The following GLI3 variants were observed in gnomAD, a reference collection of about 807,000 sequenced individuals.
GLI3 encodes the protein GLI family zinc finger 3, also known as transcription activator GLI3.
GLI3 carries 20 observed loss-of-function variants against 100.8 expected under a neutral mutation model. That is an observed-to-expected ratio of 0.20 (90% CI 0.14 to 0.29). The LOEUF is 0.29. Ranked by LOEUF, GLI3 falls within the 10% of genes least tolerant of loss-of-function variation. The pLI is 1.00. For synonymous variants in GLI3, 938 were observed against 860.5 expected, an observed-to-expected ratio of 1.09 and a Z score of -1.58; for missense variants, 2,040 against 2,128.5, an observed-to-expected ratio of 0.96 and a Z score of 0.82.
At chr7:42,071,969 T>C (rs979243055) in intron 4 of GLI3, among the ~76,000 whole-genome samples, 2 of 152,004 alleles carry the variant, frequency 1.3e-5, no homozygotes, top group African/African-American at 2.4e-5. Flanking sequence ...AGGAGACACA[T>C]TGACTCAACA....
chr7:42,202,401 A>T (rs114299066), intron 2 of GLI3, among the ~76,000 whole-genome samples: 1 of 151,014 alleles, frequency 6.6e-6, no homozygotes, highest in African/African-American at 2.4e-5. Flanking sequence ...CACACAGGGC[A>T]AATCAGTATA....
intron 7 of GLI3, among the ~76,000 whole-genome samples, chr7:42,030,828 C>T (rs1789270660): frequency 6.6e-6 from 1 of 151,798 alleles, no homozygotes; most frequent in Admixed American, 6.6e-5. Context: ...AAGCGATTCT[C>T]CTGCCTCAGC....
chr7:41,969,984 C>T (rs1417333668), intron 13 of GLI3, among the ~76,000 whole-genome samples: 1 of 152,132 alleles, frequency 6.6e-6, no homozygotes, highest in East Asian at 1.9e-4. Context: ...CCACATTTTT[C>T]ACATGCTGAA....
At chr7:42,166,925 G>A (rs1219291589) in intron 2 of GLI3, among the ~76,000 whole-genome samples, 1 of 151,678 alleles carries the variant, frequency 6.6e-6, no homozygotes, top group African/African-American at 2.4e-5. Flanking sequence ...TCCGGGGTTT[G>A]AGCAATTCTC....
intron 10 of GLI3, among the ~76,000 whole-genome samples, chr7:41,978,958 G>A (rs1361721188): frequency 1.3e-5 from 2 of 152,192 alleles, no homozygotes; most frequent in Non-Finnish European, 2.9e-5. Flanking sequence ...TTCCTAACCA[G>A]TGGGAGTGGC....
chr7:42,145,007 C>T (rs1241864639), intron 3 of GLI3, among the ~76,000 whole-genome samples: 1 of 152,154 alleles, frequency 6.6e-6, no homozygotes, highest in African/African-American at 2.4e-5. Context: ...ACAAGCTATG[C>T]CCACAAGATA....
At chr7:42,074,685 T>C (rs1427652547) in intron 4 of GLI3, among the ~76,000 whole-genome samples, 1 of 152,092 alleles carries the variant, frequency 6.6e-6, no homozygotes, top group Non-Finnish European at 1.5e-5. Context: ...CCCAGGGCCC[T>C]GCCAGGATGC....
At chr7:42,203,676 G>C (rs755344550) in intron 2 of GLI3, among the ~76,000 whole-genome samples, 1 of 152,166 alleles carries the variant, frequency 6.6e-6, no homozygotes, top group Non-Finnish European at 1.5e-5. Context: ...AGGCTGCAAT[G>C]AACATGGCAC....
intron 10 of GLI3, among the ~76,000 whole-genome samples, chr7:42,001,000 A>G (rs1788278953): frequency 1.3e-5 from 2 of 152,222 alleles, no homozygotes; most frequent in Non-Finnish European, 1.5e-5. Context: ...TAATCCCAGC[A>G]CTTTGGGAGG....
At chr7:42,177,539 C>A (rs1787505086) in intron 2 of GLI3, among the ~76,000 whole-genome samples, 1 of 152,138 alleles carries the variant, frequency 6.6e-6, no homozygotes, top group Non-Finnish European at 1.5e-5. Context: ...TCAGTCTGAT[C>A]CAGAACTTAA....
intron 3 of GLI3, among the ~76,000 whole-genome samples, chr7:42,141,754 G>T (rs1263849337): frequency 6.6e-6 from 1 of 152,174 alleles, no homozygotes; most frequent in Non-Finnish European, 1.5e-5. Context: ...CTCTCAGGAA[G>T]GATTAGGTGA....
At chr7:42,182,658 A>ATATATATATATATATACATACATGTGTG (rs1562775706) in intron 2 of GLI3, among the ~76,000 whole-genome samples, 2 of 56,022 alleles carry the variant, frequency 3.6e-5, no homozygotes, top group African/African-American at 2.1e-4. Flanking sequence ...ATATATATAT[A>ATATATATATATATATACATACATGTGTG]TATATATATA....
chr7:41,984,690 G>C (rs555273920), intron 10 of GLI3, among the ~76,000 whole-genome samples: 52 of 152,312 alleles, frequency 3.4e-4, no homozygotes, highest in African/African-American at 1.2e-3. Flanking sequence ...AAAAACAGTG[G>C]AGGGGGGAAA....
chr7:42,259,660 C>T lies in GLI3; in HGVS notation c.-43+4334G>A, dbSNP rs906821399. ...TGATAGAAAATTATTTGTGACCCCT[C>T]GTGCAAGTAGTGAAGGTTTGAGATC... On this transcript the variant is annotated intron_variant, in intron 1 of 2. Coordinates refer to the GLI3 transcript ENST00000678978. 2.1e-4 allele frequency among the ~76,000 whole-genome samples: 32 copies of T among 152,120 alleles called. 1 individual carries two copies. Among genetic ancestry groups the T allele is most frequent in the Non-Finnish European group, 1.0e-4 (7 of 68,016 alleles).
At chr7:42,084,898 A>ATT (rs1373503796) in intron 3 of GLI3, among the ~76,000 whole-genome samples, 1 of 91,896 alleles carries the variant, frequency 1.1e-5, no homozygotes, top group African/African-American at 4.5e-5. Context: ...ATGCATTTGG[A>ATT]TTCTTTTTTT....
At chr7:42,230,110 G>GGT (rs1562794575) in intron 1 of GLI3, among the ~76,000 whole-genome samples, 3 of 90,522 alleles carry the variant, frequency 3.3e-5, no homozygotes, top group Non-Finnish European at 7.0e-5. Context: ...GGGGGGGGGG[G>GGT]GGTGGAAAGC....
intron 4 of GLI3, among the ~76,000 whole-genome samples, chr7:42,064,963 G>A (rs960458623): frequency 1.3e-5 from 2 of 152,036 alleles, no homozygotes; most frequent in African/African-American, 4.8e-5. Flanking sequence ...ACCCCAAGAA[G>A]CCTCGTTCAA....
chr7:42,071,905 A>G (rs1480955110), intron 4 of GLI3, among the ~76,000 whole-genome samples: 1 of 152,164 alleles, frequency 6.6e-6, no homozygotes, highest in African/African-American at 2.4e-5. Flanking sequence ...AGTGGGAAGA[A>G]CAGCTCTCCT....
intron 4 of GLI3, among the ~76,000 whole-genome samples, chr7:42,063,868 A>G (rs1784621541): frequency 6.6e-6 from 1 of 152,220 alleles, no homozygotes; most frequent in South Asian, 2.1e-4. Flanking sequence ...TCTATGCTTC[A>G]AAGTCTATGT....
Sources: gnomAD v4.1 joint callset for allele counts (sites outside exome capture counted in the v4.1 genomes callset) on GRCh38, gnomAD v4.1.1 for gene constraint, MANE v1.5 for transcripts, NCBI Gene and HGNC (gene_info 2026-07-23, HGNC 2026-07-21) for gene names.